Variants in RNGTT observed in about 807,000 individuals in gnomAD.
RNGTT encodes the protein RNA guanylyltransferase and 5'-phosphatase.
Under a neutral mutation model 79.3 loss-of-function variants are expected in RNGTT, and 33 were observed. That is an observed-to-expected ratio of 0.42 (90% confidence interval 0.32 to 0.56). RNGTT has a LOEUF of 0.56. RNGTT is among the 20% of genes least tolerant of loss of function. The pLI is 0.17. For missense variants in RNGTT, 497 were observed against 739.1 expected, an observed-to-expected ratio of 0.67 and a Z score of 3.80; for synonymous variants, 222 against 235.9, an observed-to-expected ratio of 0.94 and a Z score of 0.54.
chr6:88,645,138 C>T (rs1438917993), intron 14 of RNGTT, among the ~76,000 whole-genome samples: 1 of 152,200 alleles, frequency 6.6e-6, no homozygotes, highest in Non-Finnish European at 1.5e-5. Flanking sequence ...CTTAAGCTGA[C>T]AGGCAACTTC....
At chr6:88,957,931 C>A (rs1030067535) in intron 1 of RNGTT, among the ~76,000 whole-genome samples, 1 of 151,752 alleles carries the variant, frequency 6.6e-6, no homozygotes, top group African/African-American at 2.4e-5. Context: ...GGTAAGCAAA[C>A]AAAAAAGAAC....
At chr6:88,784,669 A>G (rs1779171171) in intron 12 of RNGTT, among the ~76,000 whole-genome samples, 1 of 152,200 alleles carries the variant, frequency 6.6e-6, no homozygotes, top group Admixed American at 6.5e-5. Flanking sequence ...GACCCTACAT[A>G]GACAAAATGT....
At chr6:88,704,036 G>C (rs1247008665) in intron 13 of RNGTT, among the ~76,000 whole-genome samples, 1 of 152,020 alleles carries the variant, frequency 6.6e-6, no homozygotes, top group African/African-American at 2.4e-5. Flanking sequence ...TAGGCGGGCG[G>C]ATCACGAGGT....
chr6:88,794,145 G>A (rs1026320081), intron 12 of RNGTT, among the ~76,000 whole-genome samples: 1 of 152,194 alleles, frequency 6.6e-6, no homozygotes, highest in Non-Finnish European at 1.5e-5. Context: ...ATTCAGTGGT[G>A]TCTGTTTGTT....
At chr6:88,631,612 A>G (rs1772890213) in intron 14 of RNGTT, among the ~76,000 whole-genome samples, 1 of 152,128 alleles carries the variant, frequency 6.6e-6, no homozygotes. Context: ...CCAGTGCAGG[A>G]GCTGAGATCT....
At chr6:88,726,808 C>T (rs952648494) in intron 13 of RNGTT, among the ~76,000 whole-genome samples, 1 of 152,160 alleles carries the variant, frequency 6.6e-6, no homozygotes, top group Non-Finnish European at 1.5e-5. Flanking sequence ...TGAATGAGGT[C>T]TTATTAAAAG....
At chr6:88,732,274 GA>G (rs1246316106) in intron 13 of RNGTT, among the ~76,000 whole-genome samples, 1 of 152,172 alleles carries the variant, frequency 6.6e-6, no homozygotes, top group African/African-American at 2.4e-5. Context: ...AGAAGCACAT[GA>G]AAAGTGTTCA....
At position 88,941,168 on chromosome 6, in the gene RNGTT, G is replaced by A; in HGVS notation, c.77C>T (p.Pro26Leu). Residue 26 changes from proline (P) to leucine (L), a missense_variant, in exon 2 of 16, where the codon CCT becomes CTT. Physicochemically the swap from Pro to Leu is moderately conservative, Grantham distance 98. Transcript: ENST00000369485. ...RGQPVAGRFLPLKTMLGPRYD... is the reference protein window; with the variant it reads ...RGQPVAGRFLLLKTMLGPRYD... Reference sequence around the variant, plus strand: ...TCTTGGTCCTAACATTGTCTTCAGAGGTAAGAATCTTCCTAAACAACACAG... The same window carrying A: ...TCTTGGTCCTAACATTGTCTTCAGAAGTAAGAATCTTCCTAAACAACACAG... 1 of 1,600,788 alleles carries A rather than the reference G, an allele frequency of 6.2e-7. No individual in the cohort carries two copies. The highest frequency in any genetic ancestry group is 8.5e-7 in the Non-Finnish European group (1 of 1,170,058).
At chr6:88,839,886 T>C (rs1582526608) in intron 11 of RNGTT, among the ~76,000 whole-genome samples, 1 of 152,178 alleles carries the variant, frequency 6.6e-6, no homozygotes, top group South Asian at 2.1e-4. Context: ...ATATTAAAGT[T>C]AAAAACTGAA....
chr6:88,907,837 A>C (rs1461439257), intron 4 of RNGTT, among the ~76,000 whole-genome samples: 1 of 151,210 alleles, frequency 6.6e-6, no homozygotes, highest in Admixed American at 6.6e-5. Context: ...CCTGGGCTCA[A>C]GTGATCCTCC....
At chr6:88,751,857 A>C (rs890200823) in intron 13 of RNGTT, among the ~76,000 whole-genome samples, 4 of 152,148 alleles carry the variant, frequency 2.6e-5, no homozygotes, top group Admixed American at 2.6e-4. Context: ...AATAAAATCA[A>C]AATCAACCAC....
At chr6:88,813,812 C>T (rs1780221666) in intron 11 of RNGTT, among the ~76,000 whole-genome samples, 1 of 152,162 alleles carries the variant, frequency 6.6e-6, no homozygotes, top group African/African-American at 2.4e-5. Flanking sequence ...GTATCCTATG[C>T]TTCCCTCCAT....
chr6:88,813,691 C>T (rs1780216695), intron 11 of RNGTT, among the ~76,000 whole-genome samples: 1 of 152,122 alleles, frequency 6.6e-6, no homozygotes, highest in South Asian at 2.1e-4. Flanking sequence ...CATTCTGGCT[C>T]CAGAGTCCAT....
In RNGTT at chr6:88,963,408, ATGTCTTGGGGCTGCGCAGAGC is replaced by A; in HGVS notation, c.-20_1del. On this transcript the variant is annotated start_lost and start_retained_variant and 5_prime_UTR_variant, in exon 1 of 16. Transcript: ENST00000369485. The stretch of plus-strand genomic sequence containing the variant: ...CCGCGGCGGGATCTTGTTGTGAGCC[ATGTCTTGGGGCTGCGCAGAGC>A]TGCCCTCCCTCACCAACGTTCACCG... 1 of 1,604,258 alleles carries A rather than the reference ATGTCTTGGGGCTGCGCAGAGC, an allele frequency of 6.2e-7. No individual in the cohort carries two copies. Among genetic ancestry groups the A allele is most frequent in the Non-Finnish European group, 8.5e-7 (1 of 1,174,964 alleles).
intron 11 of RNGTT, among the ~76,000 whole-genome samples, chr6:88,808,443 T>G (rs1251124729): frequency 6.6e-6 from 1 of 152,084 alleles, no homozygotes; most frequent in African/African-American, 2.4e-5. Flanking sequence ...GTAATCTAAA[T>G]GATGGCAAGA....
intron 2 of RNGTT, among the ~76,000 whole-genome samples, chr6:88,937,162 G>C (rs1008198828): frequency 6.6e-6 from 1 of 152,046 alleles, no homozygotes; most frequent in Non-Finnish European, 1.5e-5. Context: ...TGACCACCAT[G>C]AAGAAACCCC....
In RNGTT at chr6:88,612,987, A is replaced by G. The variant is rs1772089400; in HGVS notation, c.1631-105T>C. ...CATCCCAATATACTAAATACTTTCC[A>G]TTTTACCCATTTGAGTGATGTGCTT... On this transcript the variant is annotated intron_variant, in intron 15 of 15. Transcript: ENST00000369485. The G allele has an allele frequency of 2.9e-6, 3 of 1,034,426 alleles. No homozygotes were observed. In the African/African-American group the frequency reaches 4.9e-5, roughly 17 times the overall value. The allele number at this position is 1,034,426 out of a possible 1,614,324, so 64.1% of individuals were successfully genotyped here. A position where few individuals can be genotyped will look rare whatever the true frequency, so the allele number is the denominator to read the frequency against.
chr6:88,780,763 G>A (rs554075488), intron 12 of RNGTT, among the ~76,000 whole-genome samples: 2 of 152,324 alleles, frequency 1.3e-5, no homozygotes, highest in South Asian at 4.1e-4. Flanking sequence ...TTAAGAAAGT[G>A]TTGACCAGAT....
At chr6:88,761,146 A>T (rs1387296523) in intron 13 of RNGTT, among the ~76,000 whole-genome samples, 1 of 151,782 alleles carries the variant, frequency 6.6e-6, no homozygotes, top group Non-Finnish European at 1.5e-5. Flanking sequence ...GCTTGCTAGG[A>T]AGCTAGCATT....
Sources: gnomAD v4.1 joint callset for allele counts (sites outside exome capture counted in the v4.1 genomes callset) on GRCh38, gnomAD v4.1.1 for gene constraint, MANE v1.5 for transcripts, NCBI Gene and HGNC (gene_info 2026-07-23, HGNC 2026-07-21) for gene names.